TENM2: variants seen among roughly 807,000 people sequenced by gnomAD.
TENM2 encodes the protein teneurin transmembrane protein 2.
In TENM2, 52 loss-of-function variants were observed where a neutral mutation model predicts 245.2. That is an observed-to-expected ratio of 0.21 (90% CI 0.17 to 0.27). The LOEUF (loss-of-function observed/expected upper bound fraction) is 0.27. Ranked by LOEUF, TENM2 falls within the 10% of genes least tolerant of loss-of-function variation. The pLI is 1.00. For missense variants in TENM2, 3,046 were observed against 3,666.8 expected (o/e 0.83, Z 4.37); for synonymous variants, 1,363 against 1,438.9 (o/e 0.95, Z 1.19).
chr5:167,266,838 GT>G, the TENM2 span, among the ~76,000 whole-genome samples: 1 of 152,162 alleles, frequency 6.6e-6, no homozygotes, highest in African/African-American at 2.4e-5. Flanking sequence ...AGTCACGCCG[GT>G]TCATGAAATG....
intron 5 of TENM2, among the ~76,000 whole-genome samples, chr5:168,031,595 G>A (rs567191905): frequency 6.6e-6 from 1 of 151,982 alleles, no homozygotes; most frequent in Admixed American, 6.6e-5. Flanking sequence ...ATGAGGGTCT[G>A]GGAGGAAAGA....
the TENM2 span, among the ~76,000 whole-genome samples, chr5:167,180,183 C>T: frequency 6.8e-6 from 1 of 146,110 alleles, no homozygotes; most frequent in African/African-American, 2.6e-5. Flanking sequence ...TATCTAGGCT[C>T]ACCACAACGT....
chr5:167,336,612 C>T (rs1424107624), intron 1 of TENM2, among the ~76,000 whole-genome samples: 1 of 151,980 alleles, frequency 6.6e-6, no homozygotes, highest in African/African-American at 2.4e-5. Context: ...AGTTACAAAG[C>T]ATAGTCCAGC....
At chr5:167,813,185 G>A (rs561776214) in intron 2 of TENM2, among the ~76,000 whole-genome samples, 4 of 152,236 alleles carry the variant, frequency 2.6e-5, no homozygotes, top group Non-Finnish European at 5.9e-5. Flanking sequence ...TGCATTCTGA[G>A]GGAGATGTGT....
intron 2 of TENM2, among the ~76,000 whole-genome samples, chr5:167,787,284 A>G (rs754349709): frequency 1.3e-5 from 2 of 152,194 alleles, no homozygotes; most frequent in Non-Finnish European, 2.9e-5. Context: ...AGGCATTGAT[A>G]CTTACATTCT....
intron 13 of TENM2, among the ~76,000 whole-genome samples, chr5:168,166,805 C>T (rs1279603853): frequency 1.3e-5 from 2 of 152,152 alleles, no homozygotes; most frequent in Non-Finnish European, 2.9e-5. Flanking sequence ...CAAATATGCT[C>T]TGTAGTCAGC....
intron 6 of TENM2, 129 bp from the exon 9 acceptor site, chr5:168,061,931 A>T (rs748425423): frequency 6.0e-6 from 5 of 836,074 alleles, no homozygotes; most frequent in Non-Finnish European, 9.0e-6. Context: ...TTAAAAAGAA[A>T]CTTGCCATGA....
chr5:168,256,700 C>T (rs574239238), intron 27 of TENM2, among the ~76,000 whole-genome samples: 2 of 152,292 alleles, frequency 1.3e-5, no homozygotes, highest in African/African-American at 4.8e-5. Context: ...GCTGGGATTG[C>T]AGGCATGAGC....
chr5:167,228,893 CG>C, the TENM2 span, among the ~76,000 whole-genome samples: 4 of 151,970 alleles, frequency 2.6e-5, no homozygotes, highest in East Asian at 7.7e-4. Context: ...TTAGTAGAGA[CG>C]GGGTTTCAAC....
intron 1 of TENM2, among the ~76,000 whole-genome samples, chr5:167,339,476 A>T (rs544692832): frequency 4.0e-5 from 6 of 151,656 alleles, no homozygotes; most frequent in Non-Finnish European, 7.4e-5. Flanking sequence ...AACCATACTC[A>T]TAGTGTTGTC....
At chr5:167,851,664 A>T (rs1361983789) in intron 2 of TENM2, among the ~76,000 whole-genome samples, 1 of 152,204 alleles carries the variant, frequency 6.6e-6, no homozygotes, top group Non-Finnish European at 1.5e-5. Flanking sequence ...TGTGGGAAAC[A>T]GCAACAGAAA....
At chr5:167,511,997 G>A (rs1769987222) in intron 2 of TENM2, among the ~76,000 whole-genome samples, 1 of 152,144 alleles carries the variant, frequency 6.6e-6, no homozygotes, top group Admixed American at 6.6e-5. Context: ...TTAAAGCAAA[G>A]CAGAAATACT....
At chr5:167,226,062 G>A in the TENM2 span, among the ~76,000 whole-genome samples, 1 of 151,662 alleles carries the variant, frequency 6.6e-6, no homozygotes, top group African/African-American at 2.4e-5. Context: ...TTCTTGGTTA[G>A]TCTAGCTGCA....
chr5:168,059,847 C>A (rs1789879201), intron 6 of TENM2, among the ~76,000 whole-genome samples: 1 of 152,028 alleles, frequency 6.6e-6, no homozygotes, highest in Non-Finnish European at 1.5e-5. Context: ...TTATTTTGTG[C>A]CAGAAATTAT....
At chr5:167,055,495 G>A in the TENM2 span, among the ~76,000 whole-genome samples, 2 of 151,976 alleles carry the variant, frequency 1.3e-5, no homozygotes, top group Non-Finnish European at 2.9e-5. Flanking sequence ...GATCAAGTTG[G>A]GAAGAAGTGA....
At chr5:167,886,379 A>C (rs965230166) in intron 3 of TENM2, among the ~76,000 whole-genome samples, 3 of 152,222 alleles carry the variant, frequency 2.0e-5, no homozygotes, top group Admixed American at 6.5e-5. Flanking sequence ...AATAGCATTT[A>C]CATGGCCACA....
At chr5:167,304,995 AT>A (rs1755584229) in intron 1 of TENM2, among the ~76,000 whole-genome samples, 1 of 151,894 alleles carries the variant, frequency 6.6e-6, no homozygotes, top group African/African-American at 2.4e-5. Context: ...TGAACAGGGG[AT>A]CCTATCATAC....
chr5:167,784,926 A>C (rs1764463611), intron 2 of TENM2, among the ~76,000 whole-genome samples: 1 of 152,210 alleles, frequency 6.6e-6, no homozygotes, highest in Non-Finnish European at 1.5e-5. Flanking sequence ...TCAACTCCAA[A>C]TGATTTCAAT....
intron 12 of TENM2, among the ~76,000 whole-genome samples, chr5:168,147,718 C>T (rs1345425144): frequency 6.6e-6 from 1 of 152,182 alleles, no homozygotes; most frequent in Non-Finnish European, 1.5e-5. Flanking sequence ...TCTGAAAGCT[C>T]CAAGTCCTTG....
Sources: allele counts gnomAD v4.1 joint callset (sites outside exome capture counted in the v4.1 genomes callset), GRCh38; gene constraint gnomAD v4.1.1; transcripts MANE v1.5; gene names NCBI Gene and HGNC (gene_info 2026-07-23, HGNC 2026-07-21).